Variants in RAPGEF5 observed in about 807,000 individuals in gnomAD.
The protein encoded by RAPGEF5 is Rap guanine nucleotide exchange factor 5, also known as M-Ras-regulated GEF.
RAPGEF5 carries 65 observed loss-of-function variants against 125.2 expected under a neutral mutation model. That is an observed-to-expected ratio of 0.52 (90% CI 0.43 to 0.64). The LOEUF is 0.64. Among genes scored for constraint, RAPGEF5 ranks in the 30% least tolerant of loss-of-function variants. RAPGEF5 has a pLI of 0.00. For synonymous variants in RAPGEF5, 391 were observed against 385.9 expected (o/e 1.01, Z -0.16); for missense variants, 958 against 1,048.1 (o/e 0.91, Z 1.19).
At chr7:22,143,575 A>G (rs976716153) in intron 20 of RAPGEF5, among the ~76,000 whole-genome samples, 8 of 152,198 alleles carry the variant, frequency 5.3e-5, no homozygotes, top group Admixed American at 3.3e-4. Flanking sequence ...AGAACAGATT[A>G]CTGTCTAACC....
intron 24 of RAPGEF5, 82 bp from the exon 25 acceptor site, chr7:22,125,740 G>C (rs1197428061): frequency 7.9e-7 from 1 of 1,260,478 alleles, no homozygotes; most frequent in Non-Finnish European, 1.2e-6. Context: ...AGGATGGAAG[G>C]ATAATCTAGC....
chr7:22,175,620 TC>T (rs1185717462), intron 11 of RAPGEF5, among the ~76,000 whole-genome samples: 1 of 152,188 alleles, frequency 6.6e-6, no homozygotes, highest in Non-Finnish European at 1.5e-5. Context: ...AACTCGGACC[TC>T]TCGGAGTTGC....
In RAPGEF5 at chr7:22,357,022, C is replaced by T. The variant is rs1226688612; in HGVS notation, c.39G>A (p.Pro13=). The T allele has an allele frequency of 5.8e-6, 6 of 1,028,952 alleles. No homozygotes were observed. The highest frequency in any genetic ancestry group is 4.6e-4 in the Middle Eastern group (1 of 2,166). The allele number at this position is 1,028,952 out of a possible 1,614,324, so 63.7% of individuals were successfully genotyped here. A position where few individuals can be genotyped will look rare whatever the true frequency, so the allele number is the denominator to read the frequency against. Residue 13 remains proline, a synonymous_variant, in exon 1 of 26, where the codon CCG becomes CCA. Transcript: ENST00000665637. ...CGGCGGCCAGGGCCGGGCTCTCGCACGGCGGCTGCATCTTGACGGAGCCCA... is the reference window on the plus strand; with the variant it reads ...CGGCGGCCAGGGCCGGGCTCTCGCATGGCGGCTGCATCTTGACGGAGCCCA... ...MAVGSVKMQP[P]CESPALAAAA...
At chr7:22,213,067 T>C (rs1254691812) in intron 9 of RAPGEF5, among the ~76,000 whole-genome samples, 1 of 152,242 alleles carries the variant, frequency 6.6e-6, no homozygotes, top group Non-Finnish European at 1.5e-5. Flanking sequence ...TCAATGTTCT[T>C]GATTGAGCCT....
chr7:22,279,660 C>T (rs550353820), intron 6 of RAPGEF5, among the ~76,000 whole-genome samples: 1 of 152,158 alleles, frequency 6.6e-6, no homozygotes, highest in African/African-American at 2.4e-5. Context: ...CCTTCACCCA[C>T]TTCAAGGAAT....
rs1297887044 is a variant in RAPGEF5 at position 22,118,947 on chromosome 7, G to A, written c.*3459C>T. 2 of 120,372 alleles carry A rather than the reference G, an allele frequency of 1.7e-5. No homozygotes were observed. Among genetic ancestry groups the A allele is most frequent in the Non-Finnish European group, 3.2e-5 (2 of 63,330 alleles). The allele number at this position is 120,372 out of a possible 1,614,324, so 7.5% of individuals were successfully genotyped here. On this transcript the variant is annotated 3_prime_UTR_variant, in exon 26 of 26. Coordinates refer to ENST00000665637, the MANE Select transcript of RAPGEF5 (RefSeq NM_012294.5). ...AAACTGGCCCACTCGCTAAGAAGCA[G>A]GCTGAAATTTTAAGGACATGTTTTT... is the stretch of plus-strand genomic sequence containing the variant.
At position 22,129,719 on chromosome 7, in the gene RAPGEF5, C is replaced by A. The variant is rs548144488; in HGVS notation, c.2481+1318G>T. Among the ~76,000 whole-genome samples, 20 of 152,012 alleles carry A rather than the reference C, an allele frequency of 1.3e-4. No homozygotes were observed. In the South Asian group the frequency reaches 4.2e-3, roughly 32 times the overall value. Reference sequence around the variant, plus strand: ...CCAAAACACTTACTGCAGAGACAAACTTGAAAATGTATTGACAGAGCCACT... The same window carrying A: ...CCAAAACACTTACTGCAGAGACAAAATTGAAAATGTATTGACAGAGCCACT... On this transcript the variant is annotated intron_variant, in intron 24 of 25. Transcript: ENST00000665637.
intron 8 of RAPGEF5, among the ~76,000 whole-genome samples, chr7:22,227,385 C>T (rs1039980756): frequency 3.9e-5 from 6 of 152,016 alleles, no homozygotes; most frequent in Admixed American, 1.3e-4. Context: ...AAATTAGTTA[C>T]CAAATATTTA....
chr7:22,201,466 TGTTAA>T (rs1448824543), intron 9 of RAPGEF5, among the ~76,000 whole-genome samples: 1 of 152,224 alleles, frequency 6.6e-6, no homozygotes, highest in Non-Finnish European at 1.5e-5. Flanking sequence ...GAGACGCTTG[TGTTAA>T]GTTTTCATTA....
intron 8 of RAPGEF5, 152 bp from the exon 9 acceptor site, chr7:22,220,143 A>C (rs919753173): frequency 4.0e-6 from 4 of 1,004,630 alleles, no homozygotes; most frequent in Admixed American, 2.8e-5. Flanking sequence ...CAAAAATTGA[A>C]GTTACATTAT....
chr7:22,155,392 A>G (rs560887255), intron 16 of RAPGEF5, among the ~76,000 whole-genome samples: 9 of 152,364 alleles, frequency 5.9e-5, no homozygotes, highest in African/African-American at 1.9e-4. Flanking sequence ...ATTACCTCTT[A>G]TATCAGCTAC....
chr7:22,162,669 C>A, intron 12 of RAPGEF5, 128 bp from the exon 13 acceptor site: 1 of 944,486 alleles, frequency 1.1e-6, no homozygotes, highest in Admixed American at 2.5e-5. Flanking sequence ...ATAGAATATG[C>A]GTAGGGAGAG....
intron 7 of RAPGEF5, among the ~76,000 whole-genome samples, chr7:22,247,627 G>A (rs1786511736): frequency 6.6e-6 from 1 of 152,008 alleles, no homozygotes; most frequent in Admixed American, 6.6e-5. Context: ...ATGTGGAACT[G>A]TGAGTCCATT....
chr7:22,183,815 GTGGTTAACAT>G (rs1037733011), intron 11 of RAPGEF5, among the ~76,000 whole-genome samples: 4 of 152,174 alleles, frequency 2.6e-5, no homozygotes, highest in African/African-American at 9.7e-5. Flanking sequence ...CTGTCAGAAA[GTGGTTAACAT>G]TTTCCTTCAA....
chr7:22,194,066 A>C, intron 9 of RAPGEF5, 33 bp from the exon 10 acceptor site: 1 of 1,554,906 alleles, frequency 6.4e-7, no homozygotes, highest in Non-Finnish European at 8.8e-7. Flanking sequence ...TGGATGAGAG[A>C]AGGAAAAAGA....
At chr7:22,316,402 T>C (rs1169566163) in intron 2 of RAPGEF5, among the ~76,000 whole-genome samples, 1 of 131,784 alleles carries the variant, frequency 7.6e-6, no homozygotes, top group Non-Finnish European at 1.6e-5. Flanking sequence ...GTATCTACTA[T>C]ATATATATAT....
At chr7:22,135,880 G>A (rs986658153) in intron 23 of RAPGEF5, among the ~76,000 whole-genome samples, 158 bp downstream of exon 23, 1 of 152,136 alleles carries the variant, frequency 6.6e-6, no homozygotes, top group East Asian at 1.9e-4. Flanking sequence ...AAAAATAATC[G>A]GCTATTTGAA....
chr7:22,333,808 T>C (rs1783972149), intron 1 of RAPGEF5, among the ~76,000 whole-genome samples: 2 of 152,236 alleles, frequency 1.3e-5, no homozygotes, highest in Non-Finnish European at 2.9e-5. Context: ...GTGCTGGCAC[T>C]GTATAGGTGC....
In RAPGEF5 at chr7:22,167,152, C is replaced by T. The variant is rs76339487; in HGVS notation, c.1205-4G>A. ...AGGAAGTCATCCAGGAGGGTCTCTG[C>T]AAAGAAAAAAAAAACAAACACAAGG... On this transcript the variant is annotated splice_polypyrimidine_tract_variant and splice_region_variant and intron_variant, in intron 11 of 25. Coordinates refer to ENST00000665637, the MANE Select transcript of RAPGEF5 (RefSeq NM_012294.5). 3.6e-5 allele frequency: 57 copies of T among 1,595,822 alleles called. No individual in the cohort carries two copies. The East Asian group carries it at 1.2e-3, about 33-fold the overall frequency.
Sources: gnomAD v4.1 joint callset for allele counts (sites outside exome capture counted in the v4.1 genomes callset) on GRCh38, gnomAD v4.1.1 for gene constraint, MANE v1.5 for transcripts, NCBI Gene and HGNC (gene_info 2026-07-23, HGNC 2026-07-21) for gene names.